The following HOMER1 variants were observed in gnomAD, a reference collection of about 807,000 sequenced individuals.
HOMER1 encodes homer protein homolog 1.
Under a neutral mutation model 48.9 loss-of-function variants are expected in HOMER1, and 3 were observed. The ratio of observed to expected loss-of-function variants is 0.06; its 90% CI spans 0.03 to 0.16. HOMER1 has a LOEUF of 0.16. Ranked by LOEUF, HOMER1 falls within the 10% of genes least tolerant of loss-of-function variation. The probability of loss-of-function intolerance (pLI) is 1.00; values close to 1 mark genes in which losing one functional copy is unlikely to be tolerated. For missense variants in HOMER1, 247 were observed against 411.4 expected (o/e 0.60, Z 3.46); for synonymous variants, 134 against 146.4 (o/e 0.92, Z 0.61).
At position 79,507,152 on chromosome 5, in the gene HOMER1, G is replaced by A. The variant is rs1752797288; in HGVS notation, c.5+5618C>T. Reference sequence around the variant, plus strand: ...TGCTGGAACCCGGGAGGCGGAGGTTGCAGTGAGCCAAGATCGCGCCACTGC... The same window carrying A: ...TGCTGGAACCCGGGAGGCGGAGGTTACAGTGAGCCAAGATCGCGCCACTGC... On this transcript the variant is annotated intron_variant, in intron 1 of 8. Coordinates refer to ENST00000334082, the MANE Select transcript of HOMER1 (RefSeq NM_004272.5). Among the ~76,000 whole-genome samples, 3 of 142,008 alleles carry A rather than the reference G, an allele frequency of 2.1e-5. No homozygotes were observed. In the South Asian group the frequency reaches 6.8e-4, roughly 32 times the overall value. The allele number at this position is 142,008 out of a possible 152,430, so 93.2% of individuals were successfully genotyped here.
chr5:79,423,142 C>G (rs991844957), intron 5 of HOMER1, among the ~76,000 whole-genome samples: 3 of 152,140 alleles, frequency 2.0e-5, no homozygotes, highest in Non-Finnish European at 4.4e-5. Context: ...ATGCTTACAT[C>G]TTGCTTTCCC....
intron 5 of HOMER1, among the ~76,000 whole-genome samples, chr5:79,408,603 C>T (rs1424539237): frequency 6.6e-6 from 1 of 152,224 alleles, no homozygotes; most frequent in Middle Eastern, 3.4e-3. Flanking sequence ...ATCTCATAGT[C>T]TATACGCAAA....
intron 1 of HOMER1, among the ~76,000 whole-genome samples, chr5:79,481,695 G>T (rs1376807504): frequency 1.3e-5 from 2 of 152,116 alleles, no homozygotes; most frequent in Non-Finnish European, 2.9e-5. Context: ...ACAATCCCCA[G>T]GACTCACATA....
At chr5:79,388,075 G>A (rs965843123) in intron 8 of HOMER1, among the ~76,000 whole-genome samples, 2 of 152,068 alleles carry the variant, frequency 1.3e-5, no homozygotes, top group African/African-American at 4.8e-5. Context: ...GTAACCCCAA[G>A]AAGGAGAAAA....
At chr5:79,446,718 C>A (rs374511867) in intron 4 of HOMER1, among the ~76,000 whole-genome samples, 4 of 151,786 alleles carry the variant, frequency 2.6e-5, no homozygotes, top group African/African-American at 9.7e-5. Flanking sequence ...TAGCTCACTG[C>A]AGCCTCGACC....
At chr5:79,449,310 T>C (rs942731910) in intron 3 of HOMER1, among the ~76,000 whole-genome samples, 24 of 152,208 alleles carry the variant, frequency 1.6e-4, no homozygotes, top group Non-Finnish European at 2.9e-4. Flanking sequence ...AGAATAAACA[T>C]ATAATTTCTC....
chr5:79,389,773 C>T (rs1477728508), intron 8 of HOMER1, among the ~76,000 whole-genome samples: 1 of 152,156 alleles, frequency 6.6e-6, no homozygotes, highest in African/African-American at 2.4e-5. Flanking sequence ...TTTTCTATTA[C>T]AGCAGCACAA....
intron 5 of HOMER1, among the ~76,000 whole-genome samples, chr5:79,431,635 A>G (rs1750427919): frequency 6.6e-6 from 1 of 152,210 alleles, no homozygotes; most frequent in African/African-American, 2.4e-5. Context: ...TATTTGAATT[A>G]TATCTCAATA....
intron 5 of HOMER1, among the ~76,000 whole-genome samples, chr5:79,420,583 G>C (rs574021510): frequency 3.9e-5 from 6 of 152,252 alleles, no homozygotes; most frequent in African/African-American, 1.4e-4. Context: ...CCCCACTGAA[G>C]TTTAAACACT....
intron 5 of HOMER1, among the ~76,000 whole-genome samples, chr5:79,435,549 G>A (rs1002489231): frequency 6.6e-6 from 1 of 152,210 alleles, no homozygotes; most frequent in Admixed American, 6.5e-5. Flanking sequence ...AGGCAATATA[G>A]TCTAAATAAG....
intron 8 of HOMER1, among the ~76,000 whole-genome samples, chr5:79,385,748 A>G (rs540723749): frequency 7.0e-6 from 1 of 142,012 alleles, no homozygotes; most frequent in Non-Finnish European, 1.5e-5. Context: ...GAAGTTGAGG[A>G]GGGAGAATGG....
chr5:79,379,171 TTATA>T (rs1415041295), intron 8 of HOMER1, among the ~76,000 whole-genome samples: 1 of 107,238 alleles, frequency 9.3e-6, no homozygotes, highest in East Asian at 2.2e-4. Context: ...TATTTATATA[TTATA>T]TATATTTTTA....
At chr5:79,488,793 G>C (rs981786503) in intron 1 of HOMER1, among the ~76,000 whole-genome samples, 7 of 152,172 alleles carry the variant, frequency 4.6e-5, no homozygotes, top group African/African-American at 1.7e-4. Context: ...AAATCTTAAA[G>C]CTAGATGGGG....
At chr5:79,387,881 C>T (rs535043729) in intron 8 of HOMER1, among the ~76,000 whole-genome samples, 3 of 152,258 alleles carry the variant, frequency 2.0e-5, no homozygotes, top group Admixed American at 6.5e-5. Context: ...TCCATGACTT[C>T]GACATAACTA....
At chr5:79,405,615 T>C (rs1368548680) in intron 5 of HOMER1, among the ~76,000 whole-genome samples, 2 of 152,172 alleles carry the variant, frequency 1.3e-5, no homozygotes, top group African/African-American at 4.8e-5. Context: ...TTGATTCAAG[T>C]TTTCTCCAAC....
At chr5:79,489,930 T>G (rs1405476474) in intron 1 of HOMER1, among the ~76,000 whole-genome samples, 28 of 152,214 alleles carry the variant, frequency 1.8e-4, no homozygotes, top group Non-Finnish European at 4.4e-5. Context: ...AGGGGACATA[T>G]GAAGTTCCCT....
At chr5:79,421,738 G>A (rs1438847910) in intron 5 of HOMER1, among the ~76,000 whole-genome samples, 1 of 151,710 alleles carries the variant, frequency 6.6e-6, no homozygotes, top group Admixed American at 6.6e-5. Flanking sequence ...CCGAGTAGCT[G>A]GGATTACAGG....
intron 4 of HOMER1, among the ~76,000 whole-genome samples, chr5:79,446,125 T>C (rs1479750266): frequency 1.3e-5 from 2 of 152,184 alleles, no homozygotes; most frequent in Non-Finnish European, 2.9e-5. Context: ...ATGCCTCTGA[T>C]ATGCAAACTA....
intron 5 of HOMER1, among the ~76,000 whole-genome samples, chr5:79,417,932 T>A (rs1460242460): frequency 6.6e-6 from 1 of 152,230 alleles, no homozygotes; most frequent in Non-Finnish European, 1.5e-5. Context: ...AAGATATGGA[T>A]AATTTTACAG....
Sources: allele counts gnomAD v4.1 joint callset (sites outside exome capture counted in the v4.1 genomes callset), GRCh38; gene constraint gnomAD v4.1.1; transcripts MANE v1.5; gene names NCBI Gene and HGNC (gene_info 2026-07-23, HGNC 2026-07-21).